Variants in GALNT13 observed in about 807,000 individuals in gnomAD.
The protein encoded by GALNT13 is UDP-GalNAc:polypeptide N-acetylgalactosaminyltransferase 13.
A neutral mutation model predicts 64.2 loss-of-function variants in GALNT13; 28 were observed. That is an observed-to-expected ratio of 0.44 (90% CI 0.32 to 0.60). The LOEUF is 0.60. Among genes scored for constraint, GALNT13 ranks in the 20% least tolerant of loss-of-function variants. The pLI is 0.05. For synonymous variants in GALNT13, 214 were observed against 224.6 expected (o/e 0.95, Z 0.42); for missense variants, 577 against 669.8 (o/e 0.86, Z 1.53).
chr2:153,592,067 T>C, the GALNT13 span, among the ~76,000 whole-genome samples: 1 of 89,812 alleles, frequency 1.1e-5, no homozygotes, highest in Non-Finnish European at 2.3e-5. Flanking sequence ...TAACAGATTA[T>C]ATATATATAT....
the GALNT13 span, among the ~76,000 whole-genome samples, chr2:153,101,421 A>T: frequency 6.6e-6 from 1 of 152,206 alleles, no homozygotes; most frequent in African/African-American, 2.4e-5. Flanking sequence ...GACCAACTCC[A>T]GGAATGTCAG....
chr2:153,408,264 A>C, the GALNT13 span, among the ~76,000 whole-genome samples: 2 of 151,056 alleles, frequency 1.3e-5, no homozygotes, highest in Non-Finnish European at 2.9e-5. Context: ...CAATAGAGGA[A>C]GAGTGGAGGG....
At chr2:153,214,375 A>G in the GALNT13 span, among the ~76,000 whole-genome samples, 19,827 of 152,200 alleles carry the variant, frequency 0.13, 1,490 homozygotes, top group Middle Eastern at 0.19. Flanking sequence ...ATGATGACTC[A>G]ATAACAACTT....
At chr2:153,722,726 CACAT>C in the GALNT13 span, among the ~76,000 whole-genome samples, 1 of 152,296 alleles carries the variant, frequency 6.6e-6, no homozygotes, top group Non-Finnish European at 1.5e-5. Flanking sequence ...CATTCCTTGA[CACAT>C]ACACTCTCCC....
chr2:154,195,225 G>A (rs1012230483), intron 4 of GALNT13, among the ~76,000 whole-genome samples: 3 of 151,982 alleles, frequency 2.0e-5, no homozygotes, highest in African/African-American at 7.3e-5. Flanking sequence ...CTTCCTCTGG[G>A]CATTTCTTTC....
At chr2:153,554,141 CCT>C in the GALNT13 span, among the ~76,000 whole-genome samples, 1 of 150,292 alleles carries the variant, frequency 6.7e-6, no homozygotes, top group Non-Finnish European at 1.5e-5. Flanking sequence ...ACGGTGAAAC[CCT>C]GTCTCTACTA....
the GALNT13 span, among the ~76,000 whole-genome samples, chr2:153,522,340 A>T: frequency 6.6e-6 from 1 of 151,978 alleles, no homozygotes; most frequent in African/African-American, 2.4e-5. Flanking sequence ...CTCAAGGAGA[A>T]AAAAATAAAG....
the GALNT13 span, among the ~76,000 whole-genome samples, chr2:153,242,844 C>T: frequency 3.9e-5 from 6 of 152,196 alleles, no homozygotes; most frequent in Non-Finnish European, 8.8e-5. Context: ...AGACCCCATT[C>T]TGGGAAAAAA....
the GALNT13 span, among the ~76,000 whole-genome samples, chr2:153,399,454 T>C: frequency 6.6e-6 from 1 of 152,196 alleles, no homozygotes; most frequent in South Asian, 2.1e-4. Flanking sequence ...TTTCCAATTC[T>C]GTGAAGAAAG....
the GALNT13 span, among the ~76,000 whole-genome samples, chr2:153,128,848 T>C: frequency 1.8e-4 from 27 of 152,178 alleles, no homozygotes; most frequent in African/African-American, 5.1e-4. Flanking sequence ...AAGAGAGAGC[T>C]TGTGCAAGAA....
chr2:153,598,884 G>C, the GALNT13 span, among the ~76,000 whole-genome samples: 1 of 152,004 alleles, frequency 6.6e-6, no homozygotes, highest in Non-Finnish European at 1.5e-5. Flanking sequence ...AATTCTTTCA[G>C]TTGAAGGCAG....
the GALNT13 span, among the ~76,000 whole-genome samples, chr2:153,248,640 C>T: frequency 6.6e-6 from 1 of 151,054 alleles, no homozygotes; most frequent in African/African-American, 2.4e-5. Flanking sequence ...GGTGAAACGC[C>T]ATCTCTACTA....
chr2:153,167,752 C>T, the GALNT13 span, among the ~76,000 whole-genome samples: 1 of 152,292 alleles, frequency 6.6e-6, no homozygotes, highest in South Asian at 2.1e-4. Context: ...AAGTGTACTA[C>T]TCAAGCCTTA....
At chr2:153,417,365 G>T in the GALNT13 span, among the ~76,000 whole-genome samples, 4 of 152,270 alleles carry the variant, frequency 2.6e-5, no homozygotes, top group South Asian at 4.1e-4. Context: ...GTGAGAGGAG[G>T]TCACTAGAGG....
At chr2:153,271,476 A>G in the GALNT13 span, among the ~76,000 whole-genome samples, 2 of 152,194 alleles carry the variant, frequency 1.3e-5, no homozygotes, top group African/African-American at 4.8e-5. Context: ...TACACCAATA[A>G]TAGGCAGAGA....
At position 154,452,246 on chromosome 2, in the gene GALNT13, T is replaced by G; in HGVS notation, c.*1695T>G. On this transcript the variant is annotated 3_prime_UTR_variant, in exon 13 of 13. Transcript: ENST00000392825. ...AAAATGTTGAATATCAGGGCATTTTTTTTTCTGAGGTGGGAGTATGTCACT... is the reference window on the plus strand; with the variant it reads ...AAAATGTTGAATATCAGGGCATTTTGTTTTCTGAGGTGGGAGTATGTCACT... 6.6e-6 allele frequency: 1 copy of G among 152,028 alleles called. No individual in the cohort carries two copies. Among genetic ancestry groups the G allele is most frequent in the African/African-American group, 2.4e-5 (1 of 41,426 alleles). The allele number at this position is 152,028 out of a possible 1,614,324, so 9.4% of individuals were successfully genotyped here. A position where few individuals can be genotyped will look rare whatever the true frequency, so the allele number is the denominator to read the frequency against.
chr2:153,254,734 A>G, the GALNT13 span, among the ~76,000 whole-genome samples: 1,228 of 151,908 alleles, frequency 8.1e-3, 7 homozygotes, highest in Middle Eastern at 0.024. Flanking sequence ...GTACCCAGTA[A>G]TCATTCAGGA....
the GALNT13 span, among the ~76,000 whole-genome samples, chr2:153,317,212 T>C: frequency 9.9e-5 from 15 of 152,204 alleles, no homozygotes; most frequent in African/African-American, 2.9e-4. Flanking sequence ...TATAGTTTTA[T>C]ACTGCAGTGA....
intron 4 of GALNT13, among the ~76,000 whole-genome samples, chr2:154,175,598 C>CATTTAAA (rs1685602121): frequency 6.6e-6 from 1 of 152,094 alleles, no homozygotes; most frequent in Non-Finnish European, 1.5e-5. Flanking sequence ...ATGCCACAGG[C>CATTTAAA]TCCTTGGAAA....
Sources: allele counts gnomAD v4.1 joint callset (sites outside exome capture counted in the v4.1 genomes callset), GRCh38; gene constraint gnomAD v4.1.1; transcripts MANE v1.5; gene names NCBI Gene and HGNC (gene_info 2026-07-23, HGNC 2026-07-21).